The following PRR11 variants were observed in gnomAD, a reference collection of about 807,000 sequenced individuals.
PRR11 encodes proline rich 11.
Under a neutral mutation model 45.6 loss-of-function variants are expected in PRR11, and 30 were observed. That is an observed-to-expected ratio of 0.66 (90% confidence interval 0.49 to 0.89). The LOEUF (loss-of-function observed/expected upper bound fraction) is 0.89. Among genes scored for constraint, PRR11 ranks in the 40% least tolerant of loss-of-function variants. The pLI, the probability that PRR11 is intolerant of heterozygous loss-of-function variation, is 0.00. For synonymous variants in PRR11, 128 were observed against 153.5 expected (o/e 0.83, Z 1.23); for missense variants, 373 against 424.8 (o/e 0.88, Z 1.07).
chr17:59,179,590 G>A (rs2046769462), intron 2 of PRR11: 8 of 1,499,856 alleles, frequency 5.3e-6, no homozygotes, highest in South Asian at 2.3e-5. Context: ...GTGGTTATTG[G>A]AAGTTTCCTC....
chr17:59,196,026 T>G (rs1256735220), intron 7 of PRR11, among the ~76,000 whole-genome samples: 1 of 145,606 alleles, frequency 6.9e-6, no homozygotes, highest in Non-Finnish European at 1.5e-5. Flanking sequence ...AGATCAAGGC[T>G]GCAGTAAGAA....
intron 2 of PRR11, among the ~76,000 whole-genome samples, chr17:59,175,365 C>G (rs137857452): frequency 6.6e-6 from 1 of 152,330 alleles, no homozygotes; most frequent in Non-Finnish European, 1.5e-5. Flanking sequence ...TGGCTTACGC[C>G]TGGAATCCCA....
chr17:59,179,924 A>T lies in PRR11; in HGVS notation c.129-5130A>T, dbSNP rs2046771778. ...CACTGTATAATGCTTCTGCAATTGA[A>T]CTCCTTAGAGCCAGACCCAAAACGC... is the stretch of plus-strand genomic sequence containing the variant. On this transcript the variant is annotated intron_variant, in intron 2 of 9. Coordinates refer to ENST00000262293, the MANE Select transcript of PRR11 (RefSeq NM_018304.4). The T allele has an allele frequency of 4.6e-6, 6 of 1,299,710 alleles. No individual in the cohort carries two copies. In the South Asian group the frequency reaches 7.1e-5, roughly 15 times the overall value. 80.5% of individuals were successfully genotyped at this position (1,299,710 alleles called of 1,614,324 possible). A position where few individuals can be genotyped will look rare whatever the true frequency, so the allele number is the denominator to read the frequency against.
intron 5 of PRR11, 44 bp downstream of exon 5, chr17:59,193,778 G>A (rs773624702): frequency 6.3e-7 from 1 of 1,594,682 alleles, no homozygotes; most frequent in East Asian, 2.2e-5. Flanking sequence ...ATGTTTTGGT[G>A]AGTGTGTAAT....
At chr17:59,198,006 T>A (rs2147856567) in intron 9 of PRR11, 1 of 517,158 alleles carries the variant, frequency 1.9e-6, no homozygotes, top group Admixed American at 3.2e-5. Flanking sequence ...TTCCAGCTAC[T>A]TGGGAAGCTG....
chr17:59,201,037 G>T (rs370193921), intron 9 of PRR11, among the ~76,000 whole-genome samples: 11 of 151,658 alleles, frequency 7.3e-5, no homozygotes, highest in African/African-American at 2.7e-4. Flanking sequence ...TGAGATTTTG[G>T]CACACCCATC....
At chr17:59,183,941 A>C (rs1267538570) in intron 2 of PRR11, among the ~76,000 whole-genome samples, 2 of 148,710 alleles carry the variant, frequency 1.3e-5, no homozygotes, top group Non-Finnish European at 3.0e-5. Flanking sequence ...CTAAAAAAAC[A>C]AAACCAAACC....
At chr17:59,180,561 A>G (rs1261265639) in intron 2 of PRR11, among the ~76,000 whole-genome samples, 2 of 143,078 alleles carry the variant, frequency 1.4e-5, no homozygotes, top group Non-Finnish European at 3.0e-5. Context: ...ACTGGAGTGC[A>G]GTGGTGCTAT....
rs184955658 is a variant in PRR11 at position 59,185,403 on chromosome 17, A to G, written c.280-37A>G. ...CCTGTTTTCTTGTCCTTATCATATT[A>G]CTCATAGGACTCAGAATTGTTTATT... On this transcript the variant is annotated intron_variant, in intron 3 of 9. Coordinates refer to ENST00000262293, the MANE Select transcript of PRR11 (RefSeq NM_018304.4). 7.6e-6 allele frequency: 12 copies of G among 1,580,008 alleles called. No individual in the cohort carries two copies. The East Asian group carries it at 2.5e-4, about 32-fold the overall frequency.
intron 6 of PRR11, 86 bp downstream of exon 6, chr17:59,194,941 A>G: frequency 9.3e-7 from 1 of 1,070,100 alleles, no homozygotes; most frequent in Non-Finnish European, 1.4e-6. Flanking sequence ...TGGGAGACCA[A>G]GGTGGGAGGA....
At chr17:59,182,262 A>G (rs1355301161) in intron 2 of PRR11, among the ~76,000 whole-genome samples, 1 of 151,482 alleles carries the variant, frequency 6.6e-6, no homozygotes, top group African/African-American at 2.4e-5. Context: ...TCCTGGCCTC[A>G]AGTGATCTGC....
intron 2 of PRR11, among the ~76,000 whole-genome samples, chr17:59,175,592 AATC>A (rs2046740100): frequency 6.6e-6 from 1 of 152,162 alleles, no homozygotes; most frequent in South Asian, 2.1e-4. Context: ...AAGATACAAA[AATC>A]AGCCTGGTGT....
rs71367676 is a variant in PRR11, at chr17:59,176,684, CTTTTTTTTTTTTT to C, written c.128+6822_128+6834del. 6.4e-4 allele frequency among the ~76,000 whole-genome samples: 25 copies of C among 39,004 alleles called. 1 individual carries two copies. The highest frequency in any genetic ancestry group is 2.4e-3 in the East Asian group (3 of 1,244). The allele number at this position is 39,004 out of a possible 152,430, so 25.6% of individuals were successfully genotyped here. A position where few individuals can be genotyped will look rare whatever the true frequency, so the allele number is the denominator to read the frequency against. ...TGGCGTTGGAATTTGGTTTTTTTGG[CTTTTTTTTTTTTT>C]TTTTTTTTTTTTTTTTTGAGAAAAA... On this transcript the variant is annotated intron_variant, in intron 2 of 9. Transcript: ENST00000262293.
chr17:59,181,601 G>T, intron 2 of PRR11: 1 of 1,397,544 alleles, frequency 7.2e-7, no homozygotes, highest in Non-Finnish European at 9.9e-7. Context: ...AGCCCACACA[G>T]CATCTCCGCC....
At chr17:59,194,070 A>G (rs1568326831) in intron 5 of PRR11, among the ~76,000 whole-genome samples, 1 of 152,210 alleles carries the variant, frequency 6.6e-6, no homozygotes. Context: ...AAGTCAGAAC[A>G]AAGAGTTAGT....
intron 2 of PRR11, among the ~76,000 whole-genome samples, chr17:59,173,727 A>C (rs562761643): frequency 6.6e-5 from 10 of 152,296 alleles, no homozygotes; most frequent in South Asian, 2.1e-4. Flanking sequence ...GAACCCACCA[A>C]TTCCAGACAC....
chr17:59,179,690 G>A (rs2147844994), intron 2 of PRR11: 5 of 1,447,792 alleles, frequency 3.5e-6, no homozygotes, highest in South Asian at 2.3e-5. Flanking sequence ...AGGGAGCACG[G>A]GTGACACTCG....
chr17:59,155,767 A>G lies in PRR11; in HGVS notation c.-44A>G, dbSNP rs551402751. ...TTTTCTTTATGGCGTGGGAGAGGCC[A>G]CAGCCCGGACTCCATCGACTCCCCC... On this transcript the variant is annotated 5_prime_UTR_variant, in exon 1 of 10. Transcript: ENST00000262293. The G allele has an allele frequency of 6.2e-6, 1 of 161,804 alleles. No homozygotes were observed. The highest frequency in any genetic ancestry group is 2.4e-5 in the African/African-American group (1 of 41,598). The allele number at this position is 161,804 out of a possible 1,614,324, so 10.0% of individuals were successfully genotyped here.
intron 2 of PRR11, chr17:59,181,858 G>A (rs2046788819): frequency 7.0e-7 from 1 of 1,437,910 alleles, no homozygotes; most frequent in East Asian, 2.5e-5. Context: ...CTTGCAGACT[G>A]TTGGCTTCTC....
Sources: allele counts gnomAD v4.1 joint callset (sites outside exome capture counted in the v4.1 genomes callset), GRCh38; gene constraint gnomAD v4.1.1; transcripts MANE v1.5; gene names NCBI Gene and HGNC (gene_info 2026-07-23, HGNC 2026-07-21).